The following TMEM132B variants were observed in gnomAD, a reference collection of about 807,000 sequenced individuals.
The protein encoded by TMEM132B is transmembrane protein 132B.
In TMEM132B, 18 loss-of-function variants were observed where a neutral mutation model predicts 90.8. That is an observed-to-expected ratio of 0.20 (90% CI 0.14 to 0.29). The LOEUF is 0.29. Ranked by LOEUF, TMEM132B falls within the 10% of genes least tolerant of loss-of-function variation. The pLI, the probability that TMEM132B is intolerant of heterozygous loss-of-function variation, is 1.00. For synonymous variants in TMEM132B, 504 were observed against 523.3 expected, an observed-to-expected ratio of 0.96 and a Z score of 0.50; for missense variants, 1,096 against 1,326.8, an observed-to-expected ratio of 0.83 and a Z score of 2.70.
At chr12:125,238,967 G>A (rs1025762532) in intron 1 of TMEM132B, among the ~76,000 whole-genome samples, 1 of 152,128 alleles carries the variant, frequency 6.6e-6, no homozygotes, top group Non-Finnish European at 1.5e-5. Flanking sequence ...GTCCTCAAAA[G>A]ATTTACATTC....
rs528924636 is a variant in TMEM132B at position 125,659,077 on chromosome 12, A to G, written c.*4367A>G. On this transcript the variant is annotated 3_prime_UTR_variant, in exon 9 of 9. Transcript: ENST00000682704. ...TTTCATTATTTTATCTGCATGTTCC[A>G]TAAAGCAGCTGTATGGTTGGCTATA... is the stretch of plus-strand genomic sequence containing the variant. 1 of 152,374 alleles carries G rather than the reference A, an allele frequency of 6.6e-6. No homozygotes were observed. Among genetic ancestry groups the G allele is most frequent in the South Asian group, 2.1e-4 (1 of 4,830 alleles). The allele number at this position is 152,374 out of a possible 1,614,324, so 9.4% of individuals were successfully genotyped here.
chr12:125,259,232 TAA>T (rs1335058789), intron 1 of TMEM132B, among the ~76,000 whole-genome samples: 3 of 152,204 alleles, frequency 2.0e-5, no homozygotes, highest in Non-Finnish European at 4.4e-5. Context: ...CCCACTAGAT[TAA>T]AATCCTATGA....
At chr12:125,540,476 C>T (rs965307298) in intron 4 of TMEM132B, among the ~76,000 whole-genome samples, 2 of 152,056 alleles carry the variant, frequency 1.3e-5, no homozygotes, top group Non-Finnish European at 2.9e-5. Context: ...TTGCTCTATC[C>T]ATTTTGAAGC....
chr12:125,526,064 C>T (rs1472933495), intron 4 of TMEM132B, among the ~76,000 whole-genome samples: 1 of 152,198 alleles, frequency 6.6e-6, no homozygotes, highest in African/African-American at 2.4e-5. Context: ...GAGCTGCACA[C>T]ACTCTGGGAT....
chr12:125,468,728 AC>A (rs1292220327), intron 3 of TMEM132B, among the ~76,000 whole-genome samples: 24 of 152,316 alleles, frequency 1.6e-4, no homozygotes, highest in African/African-American at 5.5e-4. Context: ...CAATTCATGA[AC>A]ATGGGATGTC....
chr12:125,643,225 C>G (rs1213013042), intron 5 of TMEM132B, among the ~76,000 whole-genome samples: 1 of 152,212 alleles, frequency 6.6e-6, no homozygotes, highest in African/African-American at 2.4e-5. Context: ...GCCAGCAGCA[C>G]AGGCTTGACA....
Position 125,349,067 on chromosome 12 carries a change from A to G in TMEM132B, c.68-385A>G, listed in dbSNP as rs1332011674. On this transcript the variant is annotated intron_variant, in intron 1 of 8. Transcript: ENST00000682704. This position sits in a 1 kb window ranked among gnomAD's most constrained non-coding sequence, Gnocchi z 4.1. ...AATAAGGCACTAACGTGTCACATAC[A>G]ATGGTGCAATGCCTGATTGGTAGAC... is the stretch of plus-strand genomic sequence containing the variant. 6.6e-6 allele frequency among the ~76,000 whole-genome samples: 1 copy of G among 152,242 alleles called. No homozygotes were observed. The highest frequency in any genetic ancestry group is 1.5e-5 in the Non-Finnish European group (1 of 68,048).
chr12:125,659,301 G>A lies in TMEM132B; in HGVS notation c.*4591G>A, dbSNP rs904380350. On this transcript the variant is annotated 3_prime_UTR_variant, in exon 9 of 9. Transcript: ENST00000682704. ...AAGATCTCCTGTTTCTCATGGCCCC[G>A]TCCAGGGTCAAACCATGTTGAAAGT... is the stretch of plus-strand genomic sequence containing the variant. The A allele has an allele frequency of 2.0e-5, 3 of 152,176 alleles. No individual in the cohort carries two copies. The highest frequency in any genetic ancestry group is 2.9e-5 in the Non-Finnish European group (2 of 68,050). The allele number at this position is 152,176 out of a possible 1,614,324, so 9.4% of individuals were successfully genotyped here.
intron 1 of TMEM132B, among the ~76,000 whole-genome samples, chr12:125,212,604 G>T (rs1301702191): frequency 6.6e-6 from 1 of 152,134 alleles, no homozygotes; most frequent in Non-Finnish European, 1.5e-5. Context: ...TGAGGCAGGA[G>T]AATCACTTGA....
At chr12:125,345,923 G>C (rs1877346788) in intron 1 of TMEM132B, among the ~76,000 whole-genome samples, 1 of 152,202 alleles carries the variant, frequency 6.6e-6, no homozygotes, top group African/African-American at 2.4e-5. Context: ...GTGACATTTT[G>C]GGATTAAAGG....
chr12:125,599,515 G>A (rs1236928063), intron 5 of TMEM132B, among the ~76,000 whole-genome samples: 1 of 152,162 alleles, frequency 6.6e-6, no homozygotes, highest in Non-Finnish European at 1.5e-5. Context: ...GGCCTATGGT[G>A]AGAATTGAGG....
chr12:125,282,410 C>T (rs1044684282), intron 1 of TMEM132B, among the ~76,000 whole-genome samples: 1 of 152,186 alleles, frequency 6.6e-6, no homozygotes, highest in African/African-American at 2.4e-5. Flanking sequence ...CTCCTCCAAC[C>T]CACCCCTGCC....
Position 125,650,749 on chromosome 12 carries a change from C to T in TMEM132B, c.1710C>T (p.Tyr570=), listed in dbSNP as rs1271806651. 1.2e-6 allele frequency: 2 copies of T among 1,614,202 alleles called. No individual in the cohort carries two copies. The highest frequency in any genetic ancestry group is 1.7e-6 in the Non-Finnish European group (2 of 1,180,030). The change falls in exon 7 of 9, where the codon TAC becomes TAT. Residue 570 remains tyrosine, a synonymous_variant. Transcript: ENST00000682704. The stretch of plus-strand genomic sequence containing the variant: ...AGGGACGAGGCTGCTCCCTGCAGTA[C>T]CAGCACGCCACAGTGCGTGTCCTCA... ...EKKGRGCSLQ[Y]QHATVRVLTQ...
chr12:125,458,817 G>T lies in TMEM132B; in HGVS notation c.1106+43140G>T, dbSNP rs369813617. 1.3e-5 allele frequency among the ~76,000 whole-genome samples: 2 copies of T among 152,162 alleles called. No individual in the cohort carries two copies. Among genetic ancestry groups the T allele is most frequent in the Non-Finnish European group, 2.9e-5 (2 of 68,028 alleles). On this transcript the variant is annotated intron_variant, in intron 3 of 8. Coordinates refer to ENST00000682704, the MANE Select transcript of TMEM132B (RefSeq NM_001366854.1). This position sits in a 1 kb window ranked among gnomAD's most constrained non-coding sequence, Gnocchi z 4.9. ...GATGTTGGGGTCCTGTACACAAAAG[G>T]CACCACAACAGGAGAATGAGTCCTG... is the stretch of plus-strand genomic sequence containing the variant.
intron 4 of TMEM132B, among the ~76,000 whole-genome samples, chr12:125,544,204 G>T (rs1179348140): frequency 2.0e-5 from 3 of 152,070 alleles, no homozygotes; most frequent in African/African-American, 7.2e-5. Flanking sequence ...GAGGGTGGTG[G>T]GTAGGGAGAG....
intron 1 of TMEM132B, among the ~76,000 whole-genome samples, chr12:125,187,491 G>A (rs1957766945): frequency 6.6e-6 from 1 of 152,144 alleles, no homozygotes; most frequent in African/African-American, 2.4e-5. Flanking sequence ...CTACTCCAGC[G>A]CCCTGACCCC....
intron 1 of TMEM132B, among the ~76,000 whole-genome samples, chr12:125,207,367 G>A (rs896098425): frequency 6.6e-6 from 1 of 152,164 alleles, no homozygotes; most frequent in Non-Finnish European, 1.5e-5. Context: ...TGTAGCCCCT[G>A]CTGTCAGGGA....
chr12:125,334,776 G>T (rs888397210), intron 1 of TMEM132B, among the ~76,000 whole-genome samples: 3 of 152,212 alleles, frequency 2.0e-5, no homozygotes, highest in African/African-American at 7.2e-5. Context: ...CAAGCATATT[G>T]CACACTTCTC....
intron 3 of TMEM132B, among the ~76,000 whole-genome samples, chr12:125,436,668 C>T (rs1376418652): frequency 1.3e-5 from 2 of 152,192 alleles, no homozygotes; most frequent in Non-Finnish European, 2.9e-5. Context: ...ACCTTGCTAA[C>T]ACCTTCATAT....
Sources: gnomAD v4.1 joint callset for allele counts (sites outside exome capture counted in the v4.1 genomes callset) on GRCh38, gnomAD v4.1.1 for gene constraint, Gnocchi (gnomAD v3.1) non-coding constraint, MANE v1.5 for transcripts, NCBI Gene and HGNC (gene_info 2026-07-23, HGNC 2026-07-21) for gene names.